The following PAWR variants were observed in gnomAD, a reference collection of about 807,000 sequenced individuals.
PAWR encodes the protein pro-apoptotic WT1 regulator.
A neutral mutation model predicts 32.0 loss-of-function variants in PAWR; 23 were observed. That is an observed-to-expected ratio of 0.72 (90% CI 0.52 to 1.02). PAWR has a LOEUF of 1.02. Ranked by LOEUF, PAWR falls within the 50% of genes least tolerant of loss-of-function variation. PAWR has a pLI of 0.00. For missense variants in PAWR, 457 were observed against 437.7 expected, an observed-to-expected ratio of 1.04 and a Z score of -0.39; for synonymous variants, 226 against 187.1, an observed-to-expected ratio of 1.21 and a Z score of -1.70.
intron 2 of PAWR, among the ~76,000 whole-genome samples, chr12:79,657,243 G>A (rs1355296987): frequency 1.3e-5 from 2 of 152,102 alleles, no homozygotes; most frequent in Non-Finnish European, 2.9e-5. Flanking sequence ...ACAGAAAGCA[G>A]ATCAACAGTT....
chr12:79,683,351 C>T (rs1254186087), intron 2 of PAWR, among the ~76,000 whole-genome samples: 1 of 152,180 alleles, frequency 6.6e-6, no homozygotes, highest in Non-Finnish European at 1.5e-5. Flanking sequence ...AACCAGCATT[C>T]ATTTCATTTG....
chr12:79,670,689 T>C (rs760664184), intron 2 of PAWR, among the ~76,000 whole-genome samples: 79 of 152,106 alleles, frequency 5.2e-4, no homozygotes, highest in Non-Finnish European at 1.1e-3. Context: ...AATTTATCAA[T>C]AGATACTCTC....
At chr12:79,670,731 T>TA (rs369727476) in intron 2 of PAWR, among the ~76,000 whole-genome samples, 8 of 151,720 alleles carry the variant, frequency 5.3e-5, no homozygotes, top group African/African-American at 1.4e-4. Context: ...CAGTTCACAA[T>TA]AAAAAAAAGG....
intron 2 of PAWR, among the ~76,000 whole-genome samples, chr12:79,666,687 T>G (rs1877621611): frequency 6.6e-6 from 1 of 152,210 alleles, no homozygotes; most frequent in Non-Finnish European, 1.5e-5. Flanking sequence ...TTTCTAAATT[T>G]TTGTTTGGAA....
Position 79,687,987 on chromosome 12 carries a change from C to G in PAWR, c.516+1742G>C, listed in dbSNP as rs372566703. On this transcript the variant is annotated intron_variant, in intron 2 of 6. Transcript: ENST00000328827. ...TCCCTATTCAATAAAAAGGTTCAAA[C>G]TCTACAGACAAAAAAAAAGGTACCC... Among the ~76,000 whole-genome samples the G allele has an allele frequency of 4.6e-5, 7 of 151,936 alleles. No individual in the cohort carries two copies. The East Asian group carries it at 1.3e-3, about 29-fold the overall frequency.
At chr12:79,594,905 T>C (rs1029657023) in intron 5 of PAWR, among the ~76,000 whole-genome samples, 2 of 152,058 alleles carry the variant, frequency 1.3e-5, no homozygotes, top group Non-Finnish European at 2.9e-5. Flanking sequence ...TTAGTACAGA[T>C]GGGGCTTTGC....
At chr12:79,637,360 C>A (rs1243284067) in intron 2 of PAWR, among the ~76,000 whole-genome samples, 1 of 152,030 alleles carries the variant, frequency 6.6e-6, no homozygotes, top group African/African-American at 2.4e-5. Context: ...AATGCCACTT[C>A]TTTAATCCGC....
At chr12:79,632,359 A>ATTT (rs1875742890) in intron 2 of PAWR, among the ~76,000 whole-genome samples, 1 of 17,184 alleles carries the variant, frequency 5.8e-5, no homozygotes, top group East Asian at 1.6e-3. Flanking sequence ...ATATATATAT[A>ATTT]TATTTTTTTT....
intron 3 of PAWR, among the ~76,000 whole-genome samples, chr12:79,615,859 C>T (rs924025300): frequency 2.6e-5 from 4 of 151,846 alleles, no homozygotes; most frequent in African/African-American, 9.7e-5. Flanking sequence ...GAAGTCAAAA[C>T]CAGCCTAGGC....
intron 2 of PAWR, among the ~76,000 whole-genome samples, chr12:79,660,337 A>C (rs1457233567): frequency 6.6e-6 from 1 of 152,222 alleles, no homozygotes; most frequent in Admixed American, 6.5e-5. Context: ...TATGAGACAG[A>C]GAATGAAAGG....
intron 4 of PAWR, among the ~76,000 whole-genome samples, chr12:79,608,394 C>T (rs922083690): frequency 6.6e-6 from 1 of 152,100 alleles, no homozygotes; most frequent in African/African-American, 2.4e-5. Flanking sequence ...AACCTAGGTC[C>T]CTCGCATGAA....
intron 2 of PAWR, among the ~76,000 whole-genome samples, chr12:79,628,783 T>C (rs1875466674): frequency 6.6e-6 from 1 of 152,038 alleles, no homozygotes; most frequent in Admixed American, 6.6e-5. Context: ...CTCCTTAACA[T>C]GTAAGTGATT....
At chr12:79,650,714 TAAAAAAAAAAA>T (rs34166197) in intron 2 of PAWR, among the ~76,000 whole-genome samples, 38 of 113,074 alleles carry the variant, frequency 3.4e-4, no homozygotes, top group Non-Finnish European at 5.1e-4. Flanking sequence ...TAAAGGTTAT[TAAAAAAAAAAA>T]AAAAAAAAAA....
chr12:79,620,994 T>C, intron 3 of PAWR, 82 bp downstream of exon 3: 1 of 996,986 alleles, frequency 1.0e-6, no homozygotes. Flanking sequence ...GGGAGATATA[T>C]TACTACATAC....
intron 2 of PAWR, among the ~76,000 whole-genome samples, chr12:79,676,209 T>C (rs920357909): frequency 1.3e-5 from 2 of 152,148 alleles, no homozygotes; most frequent in Admixed American, 6.5e-5. Context: ...GTAAAGGACT[T>C]AGAATAGTAC....
At chr12:79,651,682 C>A (rs1185696696) in intron 2 of PAWR, among the ~76,000 whole-genome samples, 1 of 130,124 alleles carries the variant, frequency 7.7e-6, no homozygotes, top group African/African-American at 2.6e-5. Context: ...TCAAAGCCAT[C>A]CTGGGCTCAC....
At position 79,690,358 on chromosome 12, in the gene PAWR, G is replaced by A. The variant is rs1878951610; in HGVS notation, c.-114C>T. 1 of 1,349,642 alleles carries A rather than the reference G, an allele frequency of 7.4e-7. No individual in the cohort carries two copies. The highest frequency in any genetic ancestry group is 9.5e-7 in the Non-Finnish European group (1 of 1,055,364). The allele number at this position is 1,349,642 out of a possible 1,614,324, so 83.6% of individuals were successfully genotyped here. Reference sequence around the variant, plus strand: ...ATGCCAGGAGACGACCTCCAGGAGAGGGACGGCCGCCGCTCCCACAGCAGC... The same window carrying A: ...ATGCCAGGAGACGACCTCCAGGAGAAGGACGGCCGCCGCTCCCACAGCAGC... On this transcript the variant is annotated 5_prime_UTR_variant, in exon 2 of 7. Transcript: ENST00000328827.
intron 2 of PAWR, among the ~76,000 whole-genome samples, chr12:79,661,055 G>A (rs574152998): frequency 1.3e-5 from 2 of 151,742 alleles, no homozygotes; most frequent in East Asian, 3.9e-4. Flanking sequence ...ATCACTTGAG[G>A]TCAGGAGTTC....
At chr12:79,628,359 GAA>G (rs1478571757) in intron 2 of PAWR, among the ~76,000 whole-genome samples, 1 of 151,970 alleles carries the variant, frequency 6.6e-6, no homozygotes, top group Non-Finnish European at 1.5e-5. Flanking sequence ...GAGAAAGCAG[GAA>G]AGATCTAAAA....
Sources: gnomAD v4.1 joint callset for allele counts (sites outside exome capture counted in the v4.1 genomes callset) on GRCh38, gnomAD v4.1.1 for gene constraint, MANE v1.5 for transcripts, NCBI Gene and HGNC (gene_info 2026-07-23, HGNC 2026-07-21) for gene names.